ASTN1: variants seen among roughly 807,000 people sequenced by gnomAD.
ASTN1 encodes the protein astrotactin 1, also known as astrotactin-1.
In ASTN1, 41 loss-of-function variants were observed where a neutral mutation model predicts 140.7. The ratio of observed to expected loss-of-function variants is 0.29; its 90% confidence interval spans 0.23 to 0.38. The LOEUF is 0.38. Among genes scored for constraint, ASTN1 ranks in the 10% least tolerant of loss-of-function variants. The pLI, the probability that ASTN1 is intolerant of heterozygous loss-of-function variation, is 1.00. For synonymous variants in ASTN1, 640 were observed against 652.2 expected, an observed-to-expected ratio of 0.98 and a Z score of 0.29; for missense variants, 1,479 against 1,678.8, an observed-to-expected ratio of 0.88 and a Z score of 2.08.
At chr1:176,946,778 C>T (rs1420130199) in intron 12 of ASTN1, among the ~76,000 whole-genome samples, 1 of 152,154 alleles carries the variant, frequency 6.6e-6, no homozygotes, top group African/African-American at 2.4e-5. Context: ...CAACTGCTTC[C>T]TTGGCATCCT....
At chr1:176,906,858 AAAG>A (rs1226573300) in intron 16 of ASTN1, among the ~76,000 whole-genome samples, 2 of 151,372 alleles carry the variant, frequency 1.3e-5, no homozygotes, top group African/African-American at 2.5e-5. Flanking sequence ...AAAAAAAAAA[AAAG>A]AAAAAAATAT....
intron 1 of ASTN1, among the ~76,000 whole-genome samples, chr1:177,083,934 A>G: frequency 6.6e-6 from 1 of 152,218 alleles, no homozygotes. Flanking sequence ...TTTCTGCAGC[A>G]TATTTATCCT....
intron 20 of ASTN1, among the ~76,000 whole-genome samples, chr1:176,878,775 C>A (rs1351978971): frequency 6.6e-6 from 1 of 152,096 alleles, no homozygotes; most frequent in African/African-American, 2.4e-5. Flanking sequence ...CAGACTTGTA[C>A]CTAGTAGTCT....
chr1:177,146,161 T>A (rs1358201319), intron 1 of ASTN1, among the ~76,000 whole-genome samples: 1 of 152,206 alleles, frequency 6.6e-6, no homozygotes, highest in Non-Finnish European at 1.5e-5. Flanking sequence ...GTCCAACTTT[T>A]TTTGCAAATT....
chr1:177,083,903 C>T (rs1462590076), intron 1 of ASTN1, among the ~76,000 whole-genome samples: 2 of 152,206 alleles, frequency 1.3e-5, no homozygotes, highest in African/African-American at 4.8e-5. Context: ...GATAGACGTT[C>T]TACATCCTCC....
intron 1 of ASTN1, among the ~76,000 whole-genome samples, chr1:177,141,801 G>C (rs1198810005): frequency 6.6e-6 from 1 of 152,136 alleles, no homozygotes; most frequent in African/African-American, 2.4e-5. Context: ...ACATTCATTG[G>C]GTCTACTCAA....
At chr1:176,969,757 C>G (rs1673055249) in intron 8 of ASTN1, among the ~76,000 whole-genome samples, 1 of 152,210 alleles carries the variant, frequency 6.6e-6, no homozygotes, top group African/African-American at 2.4e-5. Flanking sequence ...CTCCAATATT[C>G]TCTCAATGCA....
At chr1:176,905,909 C>T (rs1314800838) in intron 16 of ASTN1, among the ~76,000 whole-genome samples, 1 of 152,210 alleles carries the variant, frequency 6.6e-6, no homozygotes, top group Non-Finnish European at 1.5e-5. Flanking sequence ...GACTGGGTTG[C>T]AGTACCATTC....
At chr1:176,868,695 A>G in intron 22 of ASTN1, 149 bp downstream of exon 22, 1 of 769,026 alleles carries the variant, frequency 1.3e-6, no homozygotes, top group South Asian at 3.7e-5. Context: ...ATCTGCATGG[A>G]CTGAACTGTC....
intron 16 of ASTN1, among the ~76,000 whole-genome samples, chr1:176,901,275 T>A (rs1262655928): frequency 6.6e-6 from 1 of 152,178 alleles, no homozygotes; most frequent in Admixed American, 6.5e-5. Flanking sequence ...TACAAACACA[T>A]CTCAAAGATC....
rs386368806 is a variant in ASTN1 at position 176,988,317 on chromosome 1, GA to G, written c.1524-23081del. On this transcript the variant is annotated intron_variant, in intron 8 of 22. Coordinates refer to ENST00000361833, the MANE Select transcript of ASTN1 (RefSeq NM_004319.3). The stretch of plus-strand genomic sequence containing the variant: ...GTAGAAATTGCAGAGGATATATTGG[GA>G]AAAAAAAAAAAAAAACCTTTCCTTT... 4.4e-3 allele frequency among the ~76,000 whole-genome samples: 621 copies of G among 139,972 alleles called. 3 individuals are homozygous for G. Among genetic ancestry groups the G allele is most frequent in the East Asian group, 0.016 (68 of 4,270 alleles). 91.8% of individuals were successfully genotyped at this position (139,972 alleles called of 152,430 possible).
intron 8 of ASTN1, among the ~76,000 whole-genome samples, chr1:176,989,387 T>C (rs1164865437): frequency 1.3e-5 from 2 of 152,240 alleles, no homozygotes; most frequent in African/African-American, 2.4e-5. Flanking sequence ...TATTTTTTCT[T>C]CTTTTCAGTG....
At chr1:177,154,350 G>A (rs2102252988) in intron 1 of ASTN1, among the ~76,000 whole-genome samples, 1 of 152,226 alleles carries the variant, frequency 6.6e-6, no homozygotes, top group East Asian at 1.9e-4. Context: ...GCCACATGAA[G>A]TTATTTAAAA....
intron 1 of ASTN1, among the ~76,000 whole-genome samples, chr1:177,137,498 ACATAGATT>A (rs1445326142): frequency 6.6e-6 from 1 of 152,222 alleles, no homozygotes; most frequent in African/African-American, 2.4e-5. Context: ...GGTCTGCTGA[ACATAGATT>A]CATAAAATCT....
At chr1:177,152,790 G>T (rs1451749789) in intron 1 of ASTN1, among the ~76,000 whole-genome samples, 1 of 152,052 alleles carries the variant, frequency 6.6e-6, no homozygotes, top group East Asian at 1.9e-4. Context: ...GAAAAGAATA[G>T]CAGCAAAGGG....
At position 177,058,893 on chromosome 1, in the gene ASTN1, A is replaced by T. The variant is rs74985831; in HGVS notation, c.471+2185T>A. On this transcript the variant is annotated intron_variant, in intron 2 of 22. Coordinates refer to ENST00000361833, the MANE Select transcript of ASTN1 (RefSeq NM_004319.3). ...ACTTATTGAGCACCTAATTCCAGGGATAGATGGTAGGGTGCTTCCTACACT... is the reference window on the plus strand; with the variant it reads ...ACTTATTGAGCACCTAATTCCAGGGTTAGATGGTAGGGTGCTTCCTACACT... Among the ~76,000 whole-genome samples, 695 of 151,914 alleles carry T rather than the reference A, an allele frequency of 4.6e-3. 4 individuals carry two copies. Among genetic ancestry groups the T allele is most frequent in the African/African-American group, 0.016 (673 of 41,414 alleles).
intron 1 of ASTN1, among the ~76,000 whole-genome samples, chr1:177,119,250 C>A (rs1681257551): frequency 6.6e-6 from 1 of 152,180 alleles, no homozygotes; most frequent in South Asian, 2.1e-4. Context: ...ATCTTCATTA[C>A]CTGTACAGTG....
chr1:177,018,236 C>T (rs1194295842), intron 7 of ASTN1, among the ~76,000 whole-genome samples: 1 of 152,136 alleles, frequency 6.6e-6, no homozygotes, highest in African/African-American at 2.4e-5. Context: ...AAGGAAGGTG[C>T]TTTAATGGAG....
At chr1:177,118,559 GCC>G (rs1382522697) in intron 1 of ASTN1, among the ~76,000 whole-genome samples, 1 of 152,128 alleles carries the variant, frequency 6.6e-6, no homozygotes, top group African/African-American at 2.4e-5. Context: ...GAACAGGTAG[GCC>G]CCTCTTCAAA....
Sources: allele counts gnomAD v4.1 joint callset (sites outside exome capture counted in the v4.1 genomes callset), GRCh38; gene constraint gnomAD v4.1.1; transcripts MANE v1.5; gene names NCBI Gene and HGNC (gene_info 2026-07-23, HGNC 2026-07-21).